The following GAS2 variants were observed in gnomAD, a reference collection of about 807,000 sequenced individuals.
GAS2 encodes growth arrest specific 2.
Under a neutral mutation model 37.5 loss-of-function variants are expected in GAS2, and 20 were observed. The observed-to-expected ratio is 0.53, with a 90% CI of 0.37 to 0.77. The LOEUF (loss-of-function observed/expected upper bound fraction) is 0.77. GAS2 is among the 30% of genes least tolerant of loss of function. The pLI is 0.00. For synonymous variants in GAS2, 144 were observed against 132.2 expected, an observed-to-expected ratio of 1.09 and a Z score of -0.61; for missense variants, 336 against 373.4, an observed-to-expected ratio of 0.90 and a Z score of 0.82.
chr11:22,740,136 G>A (rs923777053), intron 5 of GAS2, among the ~76,000 whole-genome samples: 3 of 152,084 alleles, frequency 2.0e-5, no homozygotes, highest in Non-Finnish European at 4.4e-5. Flanking sequence ...CCTTGTTACA[G>A]GATGTAAAAC....
At chr11:22,632,114 G>GTT (rs1340513581) in intron 1 of GAS2, among the ~76,000 whole-genome samples, 1 of 152,004 alleles carries the variant, frequency 6.6e-6, no homozygotes, top group Non-Finnish European at 1.5e-5. Flanking sequence ...TTGCAAAGAG[G>GTT]TGTTCTTCGT....
At chr11:22,733,467 C>T (rs374958093) in intron 4 of GAS2, among the ~76,000 whole-genome samples, 3 of 151,722 alleles carry the variant, frequency 2.0e-5, no homozygotes, top group African/African-American at 7.2e-5. Context: ...AAATGGACAA[C>T]ATAATTTTTC....
At chr11:22,647,566 G>A (rs1197455078) in intron 1 of GAS2, among the ~76,000 whole-genome samples, 30 of 152,224 alleles carry the variant, frequency 2.0e-4, no homozygotes, top group South Asian at 6.2e-4. Flanking sequence ...CTATTTCTCC[G>A]CATCCTCTCC....
chr11:22,775,524 A>G (rs1855214679), intron 7 of GAS2, among the ~76,000 whole-genome samples: 1 of 152,180 alleles, frequency 6.6e-6, no homozygotes, highest in Non-Finnish European at 1.5e-5. Context: ...TCAAAATGTC[A>G]GAATTTCTGC....
chr11:22,634,413 T>C (rs1367158737), intron 1 of GAS2, among the ~76,000 whole-genome samples: 2 of 152,150 alleles, frequency 1.3e-5, no homozygotes, highest in African/African-American at 4.8e-5. Flanking sequence ...GGTTCCTTCA[T>C]GAGCACCAGG....
At position 22,770,020 on chromosome 11, in the gene GAS2, C is replaced by A. The variant is rs184649086; in HGVS notation, c.723+14067C>A. ...CAGGGACATGGATGAAACTGGAAGC[C>A]ATCATCCTCAGCAAACTAACACAGG... is the stretch of plus-strand genomic sequence containing the variant. On this transcript the variant is annotated intron_variant, in intron 7 of 7. Transcript: ENST00000454584. Among the ~76,000 whole-genome samples the A allele has an allele frequency of 1.5e-3, 230 of 152,250 alleles. 1 individual carries two copies. Among genetic ancestry groups the A allele is most frequent in the African/African-American group, 5.2e-3 (214 of 41,536 alleles).
At chr11:22,645,097 A>G (rs1436455498) in intron 1 of GAS2, among the ~76,000 whole-genome samples, 1 of 152,194 alleles carries the variant, frequency 6.6e-6, no homozygotes, top group Non-Finnish European at 1.5e-5. Context: ...GATGTTTTGT[A>G]TTCCATAGCC....
At chr11:22,791,885 GAA>G (rs1325542617) in intron 7 of GAS2, among the ~76,000 whole-genome samples, 1 of 152,158 alleles carries the variant, frequency 6.6e-6, no homozygotes, top group East Asian at 1.9e-4. Flanking sequence ...AAACAATTAG[GAA>G]ATATAAGTTA....
At chr11:22,634,647 C>T (rs1039784262) in intron 1 of GAS2, among the ~76,000 whole-genome samples, 4 of 152,168 alleles carry the variant, frequency 2.6e-5, no homozygotes, top group Non-Finnish European at 4.4e-5. Context: ...AATCCTGCTG[C>T]TGCTCTTCTG....
chr11:22,633,956 A>G (rs143685945), intron 1 of GAS2, among the ~76,000 whole-genome samples: 2 of 152,154 alleles, frequency 1.3e-5, no homozygotes, highest in African/African-American at 4.8e-5. Flanking sequence ...ACCCATGCCA[A>G]GCTCTTGTGG....
chr11:22,782,474 AGTGCTG>A (rs1855597946), intron 7 of GAS2, among the ~76,000 whole-genome samples: 1 of 152,106 alleles, frequency 6.6e-6, no homozygotes, highest in Admixed American at 6.6e-5. Context: ...TATATTGCCC[AGTGCTG>A]AGGTTGGGGT....
chr11:22,778,759 T>G (rs1855394854), intron 7 of GAS2, among the ~76,000 whole-genome samples: 2 of 152,228 alleles, frequency 1.3e-5, no homozygotes, highest in Non-Finnish European at 2.9e-5. Flanking sequence ...TATGCCTTAT[T>G]TAATCCTGTT....
In GAS2 at chr11:22,726,282, T is replaced by C; in HGVS notation, c.268-10T>C. The C allele has an allele frequency of 1.3e-6, 2 of 1,584,264 alleles. No individual in the cohort carries two copies. The highest frequency in any genetic ancestry group is 1.7e-6 in the Non-Finnish European group (2 of 1,172,512). On this transcript the variant is annotated splice_polypyrimidine_tract_variant and intron_variant, in intron 3 of 7. Transcript: ENST00000454584. ...AGATTTCTCCTAGAACGAATTTCTT[T>C]ATTTTTCAGAATCTACCGTTGAAGA... is the stretch of plus-strand genomic sequence containing the variant.
intron 3 of GAS2, among the ~76,000 whole-genome samples, chr11:22,721,987 G>T (rs527417537): frequency 6.6e-6 from 1 of 151,904 alleles, no homozygotes; most frequent in East Asian, 1.9e-4. Flanking sequence ...ATAGTCAATG[G>T]GGTGTACATC....
At chr11:22,776,253 C>T (rs1280252086) in intron 7 of GAS2, among the ~76,000 whole-genome samples, 2 of 152,098 alleles carry the variant, frequency 1.3e-5, no homozygotes, top group Non-Finnish European at 2.9e-5. Flanking sequence ...CTGTTTTAGG[C>T]TTTGTGGGGT....
At chr11:22,630,430 A>T (rs2133804268) in intron 1 of GAS2, among the ~76,000 whole-genome samples, 1 of 152,352 alleles carries the variant, frequency 6.6e-6, no homozygotes, top group African/African-American at 2.4e-5. Flanking sequence ...CAATGGCAAC[A>T]AAAGCCAAAA....
intron 1 of GAS2, among the ~76,000 whole-genome samples, chr11:22,646,201 TTCTGTATAATGAGAAATTATTAAGG>T (rs1255782424): frequency 3.3e-4 from 51 of 152,322 alleles, no homozygotes; most frequent in African/African-American, 1.2e-3. Context: ...ATATCTGTAA[TTCTGTATAATGAGAAATTATTAAGG>T]GAAATGCTAA....
At chr11:22,751,781 T>G (rs1853747484) in intron 6 of GAS2, among the ~76,000 whole-genome samples, 1 of 152,092 alleles carries the variant, frequency 6.6e-6, no homozygotes, top group East Asian at 1.9e-4. Flanking sequence ...ATAGGAAAAC[T>G]ATGAAAAGGA....
intron 1 of GAS2, among the ~76,000 whole-genome samples, chr11:22,672,322 G>A (rs1051055707): frequency 5.9e-5 from 9 of 152,002 alleles, no homozygotes; most frequent in Admixed American, 3.9e-4. Flanking sequence ...TACTTTTCTG[G>A]CAAAACACAG....
Sources: gnomAD v4.1 joint callset for allele counts (sites outside exome capture counted in the v4.1 genomes callset) on GRCh38, gnomAD v4.1.1 for gene constraint, MANE v1.5 for transcripts, NCBI Gene and HGNC (gene_info 2026-07-23, HGNC 2026-07-21) for gene names.